DLG2: variants seen among roughly 807,000 people sequenced by gnomAD.
DLG2 encodes the protein discs large MAGUK scaffold protein 2.
DLG2 carries 45 observed loss-of-function variants against 132.5 expected under a neutral mutation model. That is an observed-to-expected ratio of 0.34 (90% confidence interval 0.27 to 0.44). DLG2 has a LOEUF of 0.44. Ranked by LOEUF, DLG2 falls within the 20% of genes least tolerant of loss-of-function variation. The pLI is 1.00. For synonymous variants in DLG2, 424 were observed against 419.6 expected (o/e 1.01, Z -0.13); for missense variants, 1,045 against 1,196.9 (o/e 0.87, Z 1.87).
intron 6 of DLG2, among the ~76,000 whole-genome samples, chr11:85,096,414 C>A (rs920427984): frequency 1.3e-5 from 2 of 151,652 alleles, no homozygotes; most frequent in East Asian, 1.9e-4. Flanking sequence ...CAACTCCAGA[C>A]GCGCCACCTT....
chr11:84,507,835 T>C (rs1300298936), intron 7 of DLG2, among the ~76,000 whole-genome samples: 1 of 152,200 alleles, frequency 6.6e-6, no homozygotes, highest in Non-Finnish European at 1.5e-5. Context: ...TTTATCACGG[T>C]GTATTAACTT....
At chr11:83,477,326 T>C (rs2092696800) in intron 22 of DLG2, among the ~76,000 whole-genome samples, 1 of 152,156 alleles carries the variant, frequency 6.6e-6, no homozygotes, top group South Asian at 2.1e-4. Context: ...AGCCTATAAT[T>C]AAGATAGTTT....
At chr11:85,398,414 G>A (rs2087642377) in intron 3 of DLG2, among the ~76,000 whole-genome samples, 1 of 151,952 alleles carries the variant, frequency 6.6e-6, no homozygotes, top group African/African-American at 2.4e-5. Flanking sequence ...CAGAAGGCAA[G>A]AAATAACTAA....
chr11:85,183,167 A>ATAGG, intron 4 of DLG2, among the ~76,000 whole-genome samples: 1 of 151,932 alleles, frequency 6.6e-6, no homozygotes, highest in Admixed American at 6.6e-5. Context: ...TTACTGTCTG[A>ATAGG]AGTACGTGAT....
chr11:85,514,326 C>G (rs2094134224), intron 3 of DLG2, among the ~76,000 whole-genome samples: 1 of 151,902 alleles, frequency 6.6e-6, no homozygotes, highest in Non-Finnish European at 1.5e-5. Flanking sequence ...GAAACAGAGC[C>G]CAGATACACC....
intron 11 of DLG2, among the ~76,000 whole-genome samples, chr11:84,014,545 A>C (rs1371162659): frequency 6.6e-6 from 1 of 152,182 alleles, no homozygotes; most frequent in Non-Finnish European, 1.5e-5. Flanking sequence ...TACACAAATG[A>C]GTTCTTATTG....
intron 6 of DLG2, among the ~76,000 whole-genome samples, chr11:84,599,621 T>C (rs2154531963): frequency 6.6e-6 from 1 of 152,268 alleles, no homozygotes; most frequent in South Asian, 2.1e-4. Flanking sequence ...GCTTAAGCCA[T>C]ATGGATTTCT....
intron 6 of DLG2, among the ~76,000 whole-genome samples, chr11:84,591,256 T>TGTGTGTGC (rs773255134): frequency 0.01 from 1,518 of 150,274 alleles, 29 homozygotes; most frequent in African/African-American, 0.034. Flanking sequence ...TGTGTGTGTG[T>TGTGTGTGC]GCGCGTCTTT....
intron 6 of DLG2, among the ~76,000 whole-genome samples, chr11:84,896,333 TCAAA>T (rs1408609282): frequency 6.6e-6 from 1 of 152,080 alleles, no homozygotes; most frequent in Non-Finnish European, 1.5e-5. Flanking sequence ...CTACATGTTC[TCAAA>T]CAGTTAGATG....
At chr11:83,879,493 T>C (rs530101819) in intron 15 of DLG2, among the ~76,000 whole-genome samples, 11 of 152,328 alleles carry the variant, frequency 7.2e-5, no homozygotes, top group Admixed American at 6.5e-4. Flanking sequence ...TTAATATTTC[T>C]TTCTTCTCTT....
At chr11:84,753,694 G>T (rs2066482306) in intron 6 of DLG2, among the ~76,000 whole-genome samples, 1 of 152,194 alleles carries the variant, frequency 6.6e-6, no homozygotes, top group African/African-American at 2.4e-5. Flanking sequence ...ATAAGAACGT[G>T]TAACTTATTT....
chr11:84,937,411 A>C (rs2048881684), intron 6 of DLG2, among the ~76,000 whole-genome samples: 1 of 152,130 alleles, frequency 6.6e-6, no homozygotes, highest in Non-Finnish European at 1.5e-5. Context: ...ATCAAATTCA[A>C]ACTAAAGTCT....
intron 3 of DLG2, among the ~76,000 whole-genome samples, chr11:85,501,249 A>C (rs894694365): frequency 6.6e-6 from 1 of 152,176 alleles, no homozygotes; most frequent in African/African-American, 2.4e-5. Context: ...CCTTCCTTAC[A>C]CCTTATACAA....
intron 6 of DLG2, among the ~76,000 whole-genome samples, chr11:84,794,366 T>C (rs1484498807): frequency 6.6e-6 from 1 of 152,158 alleles, no homozygotes; most frequent in Non-Finnish European, 1.5e-5. Context: ...CCAACTGCAA[T>C]AGGGGAGGTA....
intron 21 of DLG2, among the ~76,000 whole-genome samples, chr11:83,524,290 T>TG (rs1275102108): frequency 6.6e-6 from 1 of 152,192 alleles, no homozygotes; most frequent in African/African-American, 2.4e-5. Context: ...ACAAAATCTC[T>TG]GGGGAGCTTG....
chr11:85,471,521 T>C (rs893519112), intron 3 of DLG2, among the ~76,000 whole-genome samples: 1 of 151,814 alleles, frequency 6.6e-6, no homozygotes. Context: ...GAAGGAAAAA[T>C]AGACAAATTT....
At chr11:84,107,275 G>C (rs574784414) in intron 9 of DLG2, among the ~76,000 whole-genome samples, 37 of 151,976 alleles carry the variant, frequency 2.4e-4, no homozygotes, top group Middle Eastern at 3.2e-3. Context: ...ATTTCATGTA[G>C]TATAGCCACA....
rs533919805 is a variant in DLG2 at position 83,876,130 on chromosome 11, G to A, written c.1497-1642C>T. The stretch of plus-strand genomic sequence containing the variant: ...TAACCTTGTATATATTACTTAAATC[G>A]CTCTGTATGTCAGCTTCTCATCTTA... On this transcript the variant is annotated intron_variant, in intron 15 of 27. Coordinates refer to ENST00000376104, the MANE Select transcript of DLG2 (RefSeq NM_001142699.3). Among the ~76,000 whole-genome samples, 26 of 152,152 alleles carry A rather than the reference G, an allele frequency of 1.7e-4. No homozygotes were observed. The South Asian group carries it at 3.5e-3, about 21-fold the overall frequency.
At chr11:85,165,792 C>T (rs1400246235) in intron 4 of DLG2, among the ~76,000 whole-genome samples, 11 of 152,170 alleles carry the variant, frequency 7.2e-5, no homozygotes, top group Non-Finnish European at 1.5e-5. Context: ...TAAACCTGCA[C>T]TGCAGTTTCC....
Sources: gnomAD v4.1 joint callset for allele counts (sites outside exome capture counted in the v4.1 genomes callset) on GRCh38, gnomAD v4.1.1 for gene constraint, MANE v1.5 for transcripts, NCBI Gene and HGNC (gene_info 2026-07-23, HGNC 2026-07-21) for gene names.